Variants in NUP214 observed in about 807,000 individuals in gnomAD.
NUP214 encodes the protein nucleoporin 214, also known as nuclear pore complex protein Nup214.
A neutral mutation model predicts 196.2 loss-of-function variants in NUP214; 79 were observed. That is an observed-to-expected ratio of 0.40 (90% CI 0.34 to 0.49). The LOEUF (loss-of-function observed/expected upper bound fraction) is 0.49, where lower values mean the gene tolerates loss of function less well. Among genes scored for constraint, NUP214 ranks in the 20% least tolerant of loss-of-function variants. NUP214 has a pLI of 0.58. For missense variants in NUP214, 2,468 were observed against 2,539.0 expected, an observed-to-expected ratio of 0.97 and a Z score of 0.60; for synonymous variants, 1,020 against 990.5, an observed-to-expected ratio of 1.03 and a Z score of -0.56.
intron 9 of NUP214, chr9:131,136,656 T>A (rs1831737815): frequency 6.6e-6 from 1 of 152,216 alleles, no homozygotes; most frequent in Admixed American, 6.5e-5. Flanking sequence ...CAGATGACAC[T>A]AAATTGTGAT....
rs946314400 is a variant in NUP214, at chr9:131,199,072, C to T, written c.5521+57C>T. The T allele has an allele frequency of 2.0e-6, 3 of 1,517,594 alleles. No individual in the cohort carries two copies. In the African/African-American group the frequency reaches 4.2e-5, roughly 21 times the overall value. The allele number at this position is 1,517,594 out of a possible 1,614,324, so 94.0% of individuals were successfully genotyped here. ...CCCTCTCTGCTATTTGAAACATTAG[C>T]AACAGACCCCTATTACTTTTGTAAT... On this transcript the variant is annotated intron_variant, in intron 29 of 35. Transcript: ENST00000359428.
intron 26 of NUP214, 38 bp from the exon 27 acceptor site, chr9:131,192,166 ATTCT>A (rs1833621109): frequency 1.4e-6 from 1 of 725,708 alleles, no homozygotes; most frequent in East Asian, 5.2e-5. Flanking sequence ...TTTTTGTAAT[ATTCT>A]TTTTTTTTTT....
At chr9:131,229,852 T>G (rs12342358) in intron 33 of NUP214, 15,672 of 467,626 alleles carry the variant, frequency 0.034, 375 homozygotes, top group African/African-American at 0.087. Flanking sequence ...GAAGGCAGAG[T>G]TTTAGATACT....
intron 17 of NUP214, among the ~76,000 whole-genome samples, chr9:131,157,078 T>C (rs919343281): frequency 1.3e-5 from 2 of 151,830 alleles, no homozygotes; most frequent in Admixed American, 1.3e-4. Flanking sequence ...GCCCAGGTGA[T>C]CCTCCTAACT....
At chr9:131,136,078 T>C in intron 9 of NUP214, 72 bp downstream of exon 9, 1 of 1,287,922 alleles carries the variant, frequency 7.8e-7, no homozygotes, top group Middle Eastern at 2.2e-4. Flanking sequence ...TCTCGCTCTG[T>C]TGTCCAGGCT....
chr9:131,144,248 T>C, intron 11 of NUP214, 32 bp from the exon 12 acceptor site: 1 of 1,536,408 alleles, frequency 6.5e-7, no homozygotes. Flanking sequence ...GTTACAGTGT[T>C]AACATTTTCC....
intron 30 of NUP214, among the ~76,000 whole-genome samples, chr9:131,203,762 A>G (rs1834002931): frequency 6.6e-6 from 1 of 152,210 alleles, no homozygotes; most frequent in African/African-American, 2.4e-5. Flanking sequence ...ATAAACTAAC[A>G]AGGTATTTTA....
At chr9:131,136,504 A>G (rs1194395362) in intron 9 of NUP214, 1 of 153,300 alleles carries the variant, frequency 6.5e-6, no homozygotes, top group African/African-American at 2.4e-5. Context: ...CATGCAGTTA[A>G]CCTCCAACTG....
rs748700475 is a variant in NUP214, at chr9:131,129,354, T to TG, written c.471dup (p.Asn158GlufsTer14). On this transcript the variant is annotated frameshift_variant, in exon 4 of 36. Transcript: ENST00000359428. LOFTEE classifies it high-confidence loss of function. ...AGGAGGCATGGTGATTGATATGAAG[T>TG]GGAACCCCACTGTCCCCTCCATGGT... is the stretch of plus-strand genomic sequence containing the variant. 6.2e-7 allele frequency: 1 copy of TG among 1,614,216 alleles called. No individual in the cohort carries two copies. The highest frequency in any genetic ancestry group is 8.5e-7 in the Non-Finnish European group (1 of 1,180,034).
chr9:131,179,690 G>A (rs901086394), intron 24 of NUP214, among the ~76,000 whole-genome samples: 1 of 152,160 alleles, frequency 6.6e-6, no homozygotes, highest in African/African-American at 2.4e-5. Flanking sequence ...TGGTCCGCTG[G>A]CCTCTTTTTT....
chr9:131,230,483 T>G, intron 33 of NUP214, 147 bp from the exon 34 acceptor site: 1 of 886,390 alleles, frequency 1.1e-6, no homozygotes, highest in Non-Finnish European at 1.7e-6. Context: ...GCTCATTCTC[T>G]CTGAAAGGCT....
intron 11 of NUP214, among the ~76,000 whole-genome samples, chr9:131,142,604 T>G (rs960142110): frequency 5.3e-5 from 8 of 152,224 alleles, no homozygotes; most frequent in Middle Eastern, 3.2e-3. Context: ...TTATTTAGGG[T>G]CTGGTATATA....
At chr9:131,201,945 A>T (rs572478505) in intron 30 of NUP214, among the ~76,000 whole-genome samples, 2 of 152,170 alleles carry the variant, frequency 1.3e-5, no homozygotes, top group Non-Finnish European at 2.9e-5. Context: ...CTGAGAAAGT[A>T]TTTTGAAAGC....
intron 11 of NUP214, among the ~76,000 whole-genome samples, chr9:131,142,421 T>G (rs1430735589): frequency 3.3e-5 from 5 of 152,250 alleles, no homozygotes; most frequent in African/African-American, 1.2e-4. Context: ...GGGGAGAAAG[T>G]CCGTCCCATC....
intron 30 of NUP214, among the ~76,000 whole-genome samples, chr9:131,211,284 C>A (rs1211633615): frequency 6.6e-6 from 1 of 152,218 alleles, no homozygotes; most frequent in Non-Finnish European, 1.5e-5. Context: ...AAATGCCTCT[C>A]TGAAAAAGTC....
intron 24 of NUP214, among the ~76,000 whole-genome samples, chr9:131,181,130 G>A (rs1336909152): frequency 2.0e-5 from 3 of 152,116 alleles, no homozygotes; most frequent in Non-Finnish European, 4.4e-5. Flanking sequence ...TTCTCAGGAA[G>A]GTGACCTTTG....
At chr9:131,209,012 C>CA (rs1176709360) in intron 30 of NUP214, among the ~76,000 whole-genome samples, 1 of 151,872 alleles carries the variant, frequency 6.6e-6, no homozygotes, top group Non-Finnish European at 1.5e-5. Context: ...GACTCCATCT[C>CA]AAAAAAATAA....
chr9:131,223,512 T>C (rs1192321073), intron 32 of NUP214, among the ~76,000 whole-genome samples: 2 of 151,584 alleles, frequency 1.3e-5, no homozygotes, highest in Non-Finnish European at 2.9e-5. Flanking sequence ...GGAGAAAACA[T>C]TGTAAATATT....
At chr9:131,202,471 T>C (rs1000333457) in intron 30 of NUP214, among the ~76,000 whole-genome samples, 7 of 152,204 alleles carry the variant, frequency 4.6e-5, no homozygotes, top group African/African-American at 1.7e-4. Context: ...TTGCCCAGGC[T>C]GGAGGACAAT....
Sources: gnomAD v4.1 joint callset for allele counts (sites outside exome capture counted in the v4.1 genomes callset) on GRCh38, gnomAD v4.1.1 for gene constraint, MANE v1.5 for transcripts, NCBI Gene and HGNC (gene_info 2026-07-23, HGNC 2026-07-21) for gene names.